The following JAKMIP1 variants were observed in gnomAD, a reference collection of about 807,000 sequenced individuals.
The protein encoded by JAKMIP1 is janus kinase and microtubule-interacting protein 1.
In JAKMIP1, 33 loss-of-function variants were observed where a neutral mutation model predicts 113.0. That is an observed-to-expected ratio of 0.29 (90% confidence interval 0.22 to 0.39). The LOEUF (loss-of-function observed/expected upper bound fraction) is 0.39. Ranked by LOEUF, JAKMIP1 falls within the 10% of genes least tolerant of loss-of-function variation. The pLI is 1.00. For synonymous variants in JAKMIP1, 480 were observed against 459.9 expected, an observed-to-expected ratio of 1.04 and a Z score of -0.56; for missense variants, 813 against 1,080.5, an observed-to-expected ratio of 0.75 and a Z score of 3.47.
At chr4:6,161,086 T>G (rs1323746006) in intron 1 of JAKMIP1, among the ~76,000 whole-genome samples, 13 of 105,138 alleles carry the variant, frequency 1.2e-4, no homozygotes, top group African/African-American at 4.7e-4. Flanking sequence ...ACTCACCTCC[T>G]CCGAGCTCCA....
intron 1 of JAKMIP1, among the ~76,000 whole-genome samples, chr4:6,122,686 T>C (rs1716876645): frequency 6.6e-6 from 1 of 152,172 alleles, no homozygotes; most frequent in Non-Finnish European, 1.5e-5. Flanking sequence ...ACCCCTGAAC[T>C]GTTGTTTCGT....
chr4:6,105,947 C>T lies in JAKMIP1; in HGVS notation c.150G>A (p.Arg50=), dbSNP rs775644380. The T allele has an allele frequency of 6.9e-6, 11 of 1,602,760 alleles. No homozygotes were observed. In the Admixed American group the frequency reaches 8.4e-5, roughly 12 times the overall value. The change falls in exon 3 of 21, where the codon CGG becomes CGA. Residue 50 remains arginine (R), a synonymous_variant. Transcript: ENST00000409021. ...EKSKVGKLRE[R]LQEAKLEREQ... The stretch of plus-strand genomic sequence containing the variant: ...CGCGCTCCAGCTTCGCCTCCTGCAG[C>T]CGCTCGCGCAGTTTGCCCACCTGCA...
chr4:6,064,713 C>A lies in JAKMIP1; in HGVS notation c.1431+167G>T, dbSNP rs79239911. On this transcript the variant is annotated intron_variant, in intron 9 of 20. Transcript: ENST00000409021. The surrounding 1 kb of genome is among the most constrained non-coding windows in gnomAD (Gnocchi z 4.3). ...ATTCATGGAGCCCACAGCTGTGGGGCCCGCCTTCCCTTCACACCATTGGCT... is the reference window on the plus strand; with the variant it reads ...ATTCATGGAGCCCACAGCTGTGGGGACCGCCTTCCCTTCACACCATTGGCT... Among the ~76,000 whole-genome samples the A allele has an allele frequency of 2.0e-5, 3 of 151,994 alleles. No individual in the cohort carries two copies. The highest frequency in any genetic ancestry group is 6.5e-5 in the Admixed American group (1 of 15,278).
Position 6,040,772 on chromosome 4 carries a change from G to A in JAKMIP1, c.2098-56C>T. 1.4e-6 allele frequency: 2 copies of A among 1,393,010 alleles called. No homozygotes were observed. The highest frequency in any genetic ancestry group is 2.0e-6 in the Non-Finnish European group (2 of 985,894). The allele number at this position is 1,393,010 out of a possible 1,614,324, so 86.3% of individuals were successfully genotyped here. ...AGCGTCAGAACAGGAATCCATGACA[G>A]CTTCAGAGCCCGTTTGCTAGAGAGT... On this transcript the variant is annotated intron_variant, in intron 17 of 20. Coordinates refer to ENST00000409021, the MANE Select transcript of JAKMIP1 (RefSeq NM_001099433.2). This position sits in a 1 kb window ranked among gnomAD's most constrained non-coding sequence, Gnocchi z 5.8.
chr4:6,169,985 C>CCCT (rs1724174509), intron 1 of JAKMIP1, among the ~76,000 whole-genome samples: 2 of 74,760 alleles, frequency 2.7e-5, no homozygotes, highest in Non-Finnish European at 5.3e-5. Flanking sequence ...ACCACTACCA[C>CCCT]CACCACCACC....
Position 6,140,307 on chromosome 4 carries a change from T to A in JAKMIP1, c.-147-27310A>T, listed in dbSNP as rs982020593. Reference sequence around the variant, plus strand: ...TTCACCAACATTTGTGTGATACACATCTTCCCACATAAATCATAATGCACA... The same window carrying A: ...TTCACCAACATTTGTGTGATACACAACTTCCCACATAAATCATAATGCACA... On this transcript the variant is annotated intron_variant, in intron 1 of 20. Coordinates refer to ENST00000409021, the MANE Select transcript of JAKMIP1 (RefSeq NM_001099433.2). This position sits in a 1 kb window ranked among gnomAD's most constrained non-coding sequence, Gnocchi z 9.4. Among the ~76,000 whole-genome samples the A allele has an allele frequency of 2.0e-5, 3 of 150,700 alleles. No homozygotes were observed. Among genetic ancestry groups the A allele is most frequent in the Admixed American group, 2.0e-4 (3 of 15,092 alleles).
In JAKMIP1 at chr4:6,178,130, A is replaced by C. The variant is rs1184240381; in HGVS notation, c.-148+22123T>G. Among the ~76,000 whole-genome samples, 1 of 152,214 alleles carries C rather than the reference A, an allele frequency of 6.6e-6. No individual in the cohort carries two copies. The highest frequency in any genetic ancestry group is 1.9e-4 in the East Asian group (1 of 5,194). ...TCCTCCCTGGAGGGGAGGGATAGGA[A>C]AGAAGGAAACAGAAGCCCAAGGCTT... On this transcript the variant is annotated intron_variant, in intron 1 of 20. Transcript: ENST00000409021. This position sits in a 1 kb window ranked among gnomAD's most constrained non-coding sequence, Gnocchi z 5.5.
At chr4:6,053,884 T>G in intron 13 of JAKMIP1, 166 bp downstream of exon 13, 2 of 1,514,758 alleles carry the variant, frequency 1.3e-6, no homozygotes, top group Non-Finnish European at 1.8e-6. Context: ...GAAATTATTC[T>G]GAACATACAG....
In JAKMIP1 at chr4:6,158,053, G is replaced by A. The variant is rs1396589977; in HGVS notation, c.-148+42200C>T. Among the ~76,000 whole-genome samples, 1 of 152,198 alleles carries A rather than the reference G, an allele frequency of 6.6e-6. No individual in the cohort carries two copies. The highest frequency in any genetic ancestry group is 1.5e-5 in the Non-Finnish European group (1 of 68,046). On this transcript the variant is annotated intron_variant, in intron 1 of 20. Transcript: ENST00000409021. This position sits in a 1 kb window ranked among gnomAD's most constrained non-coding sequence, Gnocchi z 5.3. ...CTATGTGCTATGAGGTAGGGCTCAAGCTGTCGGCCAGCGCCGTCCCTCTCC... is the reference window on the plus strand; with the variant it reads ...CTATGTGCTATGAGGTAGGGCTCAAACTGTCGGCCAGCGCCGTCCCTCTCC...
intron 2 of JAKMIP1, among the ~76,000 whole-genome samples, chr4:6,109,583 T>G: frequency 6.6e-6 from 1 of 152,024 alleles, no homozygotes; most frequent in African/African-American, 2.4e-5. Flanking sequence ...TGGTTTCCTG[T>G]GAGGCTCTGT....
At chr4:6,087,629 A>G (rs1043627200) in intron 3 of JAKMIP1, among the ~76,000 whole-genome samples, 2 of 152,198 alleles carry the variant, frequency 1.3e-5, no homozygotes, top group African/African-American at 2.4e-5. Flanking sequence ...TCTGATGTGG[A>G]ATTTCCATCA....
chr4:6,173,456 C>T (rs527935387), intron 1 of JAKMIP1, among the ~76,000 whole-genome samples: 81 of 152,312 alleles, frequency 5.3e-4, no homozygotes, highest in Non-Finnish European at 7.6e-4. Context: ...AACTATGGAG[C>T]AAGCATTCCA....
chr4:6,121,521 A>C (rs942626364), intron 1 of JAKMIP1, among the ~76,000 whole-genome samples: 3 of 152,240 alleles, frequency 2.0e-5, no homozygotes, highest in African/African-American at 7.2e-5. Flanking sequence ...TTGTACTACA[A>C]AACTGCACGA....
intron 1 of JAKMIP1, among the ~76,000 whole-genome samples, chr4:6,175,894 A>C (rs1725290102): frequency 6.6e-6 from 1 of 152,328 alleles, no homozygotes; most frequent in South Asian, 2.1e-4. Flanking sequence ...TCCTCTCTGA[A>C]CCAGTTTCCT....
chr4:6,061,406 G>A lies in JAKMIP1; in HGVS notation c.1561-899C>T, dbSNP rs115682949. Among the ~76,000 whole-genome samples the A allele has an allele frequency of 0.028, 4,216 of 152,160 alleles. 75 individuals are homozygous for A. The highest frequency in any genetic ancestry group is 0.044 in the Non-Finnish European group (2,990 of 67,998). ...CTGCTGCCCCTGGAACAAACTCCAC[G>A]TGGGCGTGGCCTCTCCTCTCTGCCT... On this transcript the variant is annotated intron_variant, in intron 10 of 20. Coordinates refer to ENST00000409021, the MANE Select transcript of JAKMIP1 (RefSeq NM_001099433.2). This position sits in a 1 kb window ranked among gnomAD's most constrained non-coding sequence, Gnocchi z 5.3.
intron 1 of JAKMIP1, among the ~76,000 whole-genome samples, chr4:6,195,771 G>C (rs539893486): frequency 4.2e-4 from 64 of 152,312 alleles, no homozygotes; most frequent in African/African-American, 1.3e-3. Context: ...ACAGACCAGC[G>C]GGAGGCAAAC....
chr4:6,096,235 A>G (rs1053194158), intron 3 of JAKMIP1, among the ~76,000 whole-genome samples: 3 of 152,234 alleles, frequency 2.0e-5, no homozygotes, highest in Non-Finnish European at 2.9e-5. Context: ...ATTGGGTATG[A>G]TAGCATCCTG....
Position 6,030,414 on chromosome 4 carries a change from C to A in JAKMIP1, c.2380-633G>T, listed in dbSNP as rs867744401. ...CCTCAGGAAACCCCTCAGTCCTGGG[C>A]AAACCCAGACTCTTAGTTACCCTCC... On this transcript the variant is annotated intron_variant, in intron 19 of 20. Transcript: ENST00000409021. Among the ~76,000 whole-genome samples the A allele has an allele frequency of 1.6e-4, 25 of 152,014 alleles. 1 individual carries two copies. Among genetic ancestry groups the A allele is most frequent in the Middle Eastern group, 3.4e-3 (1 of 294 alleles).
rs78396719 is a variant in JAKMIP1 at position 6,069,425 on chromosome 4, G to A, written c.1303-4417C>T. Among the ~76,000 whole-genome samples, 32 of 152,240 alleles carry A rather than the reference G, an allele frequency of 2.1e-4. No homozygotes were observed. The highest frequency in any genetic ancestry group is 5.3e-4 in the African/African-American group (22 of 41,540). Reference sequence around the variant, plus strand: ...AACCAAAGCCTCTCCTTGTTGACTCGTTTCTACAGATGAATCCAGATTCAG... The same window carrying A: ...AACCAAAGCCTCTCCTTGTTGACTCATTTCTACAGATGAATCCAGATTCAG... On this transcript the variant is annotated intron_variant, in intron 8 of 20. Coordinates refer to ENST00000409021, the MANE Select transcript of JAKMIP1 (RefSeq NM_001099433.2). This position sits in a 1 kb window ranked among gnomAD's most constrained non-coding sequence, Gnocchi z 4.5.
Sources: allele counts gnomAD v4.1 joint callset (sites outside exome capture counted in the v4.1 genomes callset), GRCh38; gene constraint gnomAD v4.1.1; non-coding constraint Gnocchi (gnomAD v3.1); transcripts MANE v1.5; gene names NCBI Gene and HGNC (gene_info 2026-07-23, HGNC 2026-07-21).